The following MYO1A variants were observed in gnomAD, a reference collection of about 807,000 sequenced individuals.
MYO1A encodes myosin IA.
MYO1A carries 127 observed loss-of-function variants against 138.5 expected under a neutral mutation model. The ratio of observed to expected loss-of-function variants is 0.92; its 90% CI spans 0.79 to 1.06. MYO1A has a LOEUF of 1.06. Ranked by LOEUF, MYO1A falls within the 50% of genes least tolerant of loss-of-function variation. MYO1A has a pLI of 0.00. For synonymous variants in MYO1A, 477 were observed against 497.5 expected (o/e 0.96, Z 0.55); for missense variants, 1,211 against 1,288.8 (o/e 0.94, Z 0.92).
chr12:57,037,382 C>T (rs1459794057), intron 19 of MYO1A, among the ~76,000 whole-genome samples, 166 bp downstream of exon 19: 5 of 152,132 alleles, frequency 3.3e-5, no homozygotes, highest in Non-Finnish European at 7.4e-5. Flanking sequence ...GTGTAGGAAC[C>T]CAAGAGTTCA....
At chr12:57,031,580 A>T (rs1014647100) in intron 22 of MYO1A, among the ~76,000 whole-genome samples, 10 of 152,184 alleles carry the variant, frequency 6.6e-5, no homozygotes, top group Admixed American at 1.3e-4. Context: ...CCCTCCTCTC[A>T]AATCAGTCAA....
Position 57,048,205 on chromosome 12 carries a change from C to G in MYO1A, c.114+5G>C. On this transcript the variant is annotated splice_donor_5th_base_variant and intron_variant, in intron 2 of 27. Transcript: ENST00000300119. Reference sequence around the variant, plus strand: ...CACAGCCAGAGGCACCCATATGACACTCACATAAATCTCCTTGTTTTCATA... The same window carrying G: ...CACAGCCAGAGGCACCCATATGACAGTCACATAAATCTCCTTGTTTTCATA... The G allele has an allele frequency of 6.2e-7, 1 of 1,612,656 alleles. No homozygotes were observed. The highest frequency in any genetic ancestry group is 2.2e-5 in the East Asian group (1 of 44,882).
At position 57,029,744 on chromosome 12, in the gene MYO1A, C is replaced by T. The variant is rs778682754; in HGVS notation, c.2720G>A (p.Gly907Asp). 2 of 1,614,120 alleles carry T rather than the reference C, an allele frequency of 1.2e-6. No homozygotes were observed. Among genetic ancestry groups the T allele is most frequent in the South Asian group, 1.1e-5 (1 of 91,088 alleles). Residue 907 changes from glycine (G) to aspartate (D), a missense_variant, in exon 25 of 28, where the codon GGC (glycine) becomes GAC (aspartate). By Grantham distance (94) the Gly-to-Asp change is moderately conservative. Transcript: ENST00000300119. Reference sequence around the variant, plus strand: ...GTTCAGCCTGCAGGCCCTTACCTTGCCATTGCCACGATTGACCTTCTTCAC... The same window carrying T: ...GTTCAGCCTGCAGGCCCTTACCTTGTCATTGCCACGATTGACCTTCTTCAC... ...EAVKKVNRGN[G>D]KTSSRILLLT... is the part of the protein sequence containing the mutation.
chr12:57,032,547 G>T (rs1176874856), intron 22 of MYO1A, among the ~76,000 whole-genome samples: 1 of 152,226 alleles, frequency 6.6e-6, no homozygotes, highest in Non-Finnish European at 1.5e-5. Context: ...GCTGGGCATG[G>T]TGGCGCATGC....
At chr12:57,031,498 T>G (rs1431913893) in intron 22 of MYO1A, among the ~76,000 whole-genome samples, 1 of 152,210 alleles carries the variant, frequency 6.6e-6, no homozygotes, top group Non-Finnish European at 1.5e-5. Context: ...TAGCTTTCTA[T>G]TCCTTCTGTT....
upstream of MYO1A, among the ~76,000 whole-genome samples, chr12:57,050,503 T>G (rs977056456): frequency 2.0e-5 from 3 of 152,166 alleles, no homozygotes; most frequent in African/African-American, 7.2e-5. Flanking sequence ...CTAGGCAACA[T>G]GGCGAGACAC....
Position 57,041,181 on chromosome 12 carries a change from T to C in MYO1A, c.1269+3A>G, listed in dbSNP as rs1565645324. 6.2e-7 allele frequency: 1 copy of C among 1,608,588 alleles called. No homozygotes were observed. Among genetic ancestry groups the C allele is most frequent in the Admixed American group, 1.7e-5 (1 of 60,010 alleles). Reference sequence around the variant, plus strand: ...AGGGGGAAGTAGAAAAGACTTGGTTTACTTCTCTCTTATATTCCTCTTGCT... The same window carrying C: ...AGGGGGAAGTAGAAAAGACTTGGTTCACTTCTCTCTTATATTCCTCTTGCT... On this transcript the variant is annotated splice_donor_region_variant and intron_variant, in intron 14 of 27. Coordinates refer to ENST00000300119, the MANE Select transcript of MYO1A (RefSeq NM_005379.4).
chr12:57,036,835 C>G lies in MYO1A; in HGVS notation c.2211G>C (p.Lys737Asn). 6.2e-6 allele frequency: 10 copies of G among 1,614,232 alleles called. No homozygotes were observed. Among genetic ancestry groups the G allele is most frequent in the Non-Finnish European group, 8.5e-6 (10 of 1,180,028 alleles). Residue 737 changes from lysine to asparagine, a missense_variant, in exon 21 of 28, where the codon AAG becomes AAC. Physicochemically the swap from Lys to Asn is moderately conservative, Grantham distance 94. Coordinates refer to ENST00000300119, the MANE Select transcript of MYO1A (RefSeq NM_005379.4). The part of the protein sequence containing the change: ...ISSWFRGNMQ[K>N]KCYGKIKASV... ...ATGCCTTTATCTTCCCATAGCATTT[C>G]TTTTGCTGTAGAAAACATAGGAGTT...
chr12:57,031,737 G>A (rs1342179827), intron 22 of MYO1A, among the ~76,000 whole-genome samples: 1 of 152,204 alleles, frequency 6.6e-6, no homozygotes, highest in Non-Finnish European at 1.5e-5. Context: ...CCAGACCCTC[G>A]AACAACAAAG....
upstream of MYO1A, chr12:57,051,154 A>C (rs1032874482): frequency 2.0e-5 from 3 of 152,256 alleles, no homozygotes; most frequent in African/African-American, 7.2e-5. Flanking sequence ...CTGAAGAGAG[A>C]CTTGATTCTC....
intron 23 of MYO1A, 128 bp from the exon 24 acceptor site, chr12:57,030,444 A>T: frequency 2.6e-6 from 2 of 762,592 alleles, no homozygotes; most frequent in South Asian, 3.2e-5. Context: ...CAGGCACTAG[A>T]CACCTCAGGG....
chr12:57,046,996 G>T, intron 6 of MYO1A, 65 bp downstream of exon 6: 1 of 1,610,096 alleles, frequency 6.2e-7, no homozygotes. Flanking sequence ...GAAGGGGTCT[G>T]TGCCACATTC....
At chr12:57,046,248 T>C (rs1455741290) in intron 8 of MYO1A, among the ~76,000 whole-genome samples, 1 of 152,124 alleles carries the variant, frequency 6.6e-6, no homozygotes, top group Non-Finnish European at 1.5e-5. Flanking sequence ...TGTTTTATAT[T>C]TGAAGCCAGC....
At chr12:57,037,232 A>G (rs1402612399) in intron 19 of MYO1A, 141 bp from the exon 20 acceptor site, 1 of 1,111,784 alleles carries the variant, frequency 9.0e-7, no homozygotes, top group Non-Finnish European at 1.3e-6. Context: ...TCATTTATTC[A>G]TTCAGTAAAC....
chr12:57,030,122 C>A, intron 24 of MYO1A, 88 bp downstream of exon 24: 2 of 1,330,342 alleles, frequency 1.5e-6, no homozygotes, highest in Non-Finnish European at 2.2e-6. Context: ...CTGGGGGTGA[C>A]AATCCTGCCA....
At chr12:57,045,586 G>A (rs1045913843) in intron 8 of MYO1A, among the ~76,000 whole-genome samples, 2 of 152,122 alleles carry the variant, frequency 1.3e-5, no homozygotes, top group East Asian at 3.9e-4. Context: ...AGATCTGCAG[G>A]GGTTCCTGAA....
intron 12 of MYO1A, 75 bp from the exon 13 acceptor site, chr12:57,041,572 G>A: frequency 7.6e-7 from 1 of 1,311,530 alleles, no homozygotes; most frequent in Non-Finnish European, 1.1e-6. Context: ...GGAGCGGATG[G>A]GGTTGGAGTA....
intron 23 of MYO1A, 108 bp from the exon 24 acceptor site, chr12:57,030,424 G>A: frequency 5.3e-6 from 5 of 935,380 alleles, no homozygotes; most frequent in South Asian, 2.8e-5. Flanking sequence ...GAGAGACTGA[G>A]GAAAAAGGAC....
chr12:57,035,150 G>A (rs773500014), intron 22 of MYO1A, among the ~76,000 whole-genome samples: 4 of 152,100 alleles, frequency 2.6e-5, no homozygotes, highest in Non-Finnish European at 5.9e-5. Flanking sequence ...CAGCTTCTGG[G>A]TTGACAATTA....
Sources: gnomAD v4.1 joint callset for allele counts (sites outside exome capture counted in the v4.1 genomes callset) on GRCh38, gnomAD v4.1.1 for gene constraint, MANE v1.5 for transcripts, NCBI Gene and HGNC (gene_info 2026-07-23, HGNC 2026-07-21) for gene names.